USP54: variants seen among roughly 807,000 people sequenced by gnomAD.
USP54 encodes ubiquitin specific peptidase 54.
A neutral mutation model predicts 170.5 loss-of-function variants in USP54; 87 were observed. The observed-to-expected ratio is 0.51, with a 90% CI of 0.43 to 0.61. USP54 has a LOEUF of 0.61. USP54 is among the 20% of genes least tolerant of loss of function. USP54 has a pLI of 0.00. For missense variants in USP54, 1,786 were observed against 2,047.8 expected, an observed-to-expected ratio of 0.87 and a Z score of 2.47; for synonymous variants, 655 against 742.8, an observed-to-expected ratio of 0.88 and a Z score of 1.92.
chr10:73,523,344 A>G (rs893232214), intron 17 of USP54, among the ~76,000 whole-genome samples: 2 of 152,186 alleles, frequency 1.3e-5, no homozygotes, highest in Non-Finnish European at 2.9e-5. Context: ...AACATTATTC[A>G]TGAACGATAT....
chr10:73,607,338 A>AG lies in USP54; in HGVS notation c.-18+18228_-18+18229insC, dbSNP rs1554951281. On this transcript the variant is annotated intron_variant, in intron 1 of 22. Transcript: ENST00000339859. ...GTTTGCTTAAAAAAAAAAAAAAAAG[A>AG]AAAAAAAAAATAAACAGAAAGAAGA... is the stretch of plus-strand genomic sequence containing the variant. Among the ~76,000 whole-genome samples the AG allele has an allele frequency of 1.8e-3, 73 of 40,920 alleles. No individual in the cohort carries two copies. In the East Asian group the frequency reaches 0.019, roughly 10 times the overall value. The allele number at this position is 40,920 out of a possible 152,430, so 26.8% of individuals were successfully genotyped here. A position where few individuals can be genotyped will look rare whatever the true frequency, so the allele number is the denominator to read the frequency against.
rs1446877449 is a variant in USP54, at chr10:73,520,990, T to C, written c.2400A>G (p.Ala800=). The stretch of plus-strand genomic sequence containing the variant: ...GTAGTGACTCTTCAAACACTGACTC[T>C]GCCTCTTGCAGGGACCTCTCAAAGC... The part of the protein sequence containing the change: ...SDGFERSLQE[A]ESVFEESLHL... Residue 800 remains alanine (A), a synonymous_variant, in exon 18 of 24, where the codon GCA becomes GCG. Transcript: ENST00000687698. The C allele has an allele frequency of 4.3e-6, 7 of 1,614,166 alleles. No individual in the cohort carries two copies. The highest frequency in any genetic ancestry group is 5.9e-6 in the Non-Finnish European group (7 of 1,180,044).
intron 4 of USP54, among the ~76,000 whole-genome samples, chr10:73,556,794 A>G (rs1330737375): frequency 6.6e-6 from 1 of 152,102 alleles, no homozygotes; most frequent in African/African-American, 2.4e-5. Context: ...TAAAACACAT[A>G]CCTTCCTGCC....
At chr10:73,542,730 CAAA>C (rs368216335) in intron 7 of USP54, 70 bp downstream of exon 7, 2,170 of 1,179,470 alleles carry the variant, frequency 1.8e-3, no homozygotes, top group South Asian at 2.4e-3. Context: ...GACTCTGTCT[CAAA>C]AAAAAAAAAA....
At chr10:73,587,725 T>C (rs186208796) in intron 1 of USP54, among the ~76,000 whole-genome samples, 1 of 152,300 alleles carries the variant, frequency 6.6e-6, no homozygotes, top group East Asian at 1.9e-4. Context: ...AATAATAACA[T>C]CTATCTCATA....
chr10:73,552,704 T>C (rs1389691197), intron 4 of USP54, among the ~76,000 whole-genome samples: 1 of 152,066 alleles, frequency 6.6e-6, no homozygotes, highest in African/African-American at 2.4e-5. Flanking sequence ...AGCAGGAGAA[T>C]TGCTTGAACC....
intron 1 of USP54, among the ~76,000 whole-genome samples, chr10:73,585,727 T>A (rs2077402525): frequency 6.6e-6 from 1 of 152,178 alleles, no homozygotes; most frequent in South Asian, 2.1e-4. Context: ...ATTCTGCCAA[T>A]AAAATTAATT....
intron 22 of USP54, among the ~76,000 whole-genome samples, chr10:73,502,656 C>A (rs1040261972): frequency 6.6e-6 from 1 of 152,148 alleles, no homozygotes; most frequent in Admixed American, 6.5e-5. Context: ...GACTATGGTA[C>A]CACACATCCT....
intron 1 of USP54, chr10:73,614,126 C>T (rs2080406696): frequency 6.7e-6 from 1 of 149,784 alleles, no homozygotes; most frequent in Admixed American, 6.6e-5. Flanking sequence ...CATTTGAGCC[C>T]GGGAGGTCAA....
chr10:73,620,676 G>A (rs891566064), intron 1 of USP54, among the ~76,000 whole-genome samples: 4 of 149,722 alleles, frequency 2.7e-5, no homozygotes, highest in Non-Finnish European at 4.4e-5. Context: ...GGTGGCTCAC[G>A]CCTGTAATCC....
intron 1 of USP54, among the ~76,000 whole-genome samples, chr10:73,596,990 G>C (rs745448292): frequency 1.3e-5 from 2 of 152,180 alleles, no homozygotes; most frequent in Non-Finnish European, 2.9e-5. Flanking sequence ...GGAAATTCAT[G>C]CTAGTTTTAC....
At chr10:73,507,181 A>G (rs1032086328) in intron 20 of USP54, 2 of 151,850 alleles carry the variant, frequency 1.3e-5, no homozygotes, top group Non-Finnish European at 2.9e-5. Flanking sequence ...GATTGTATAA[A>G]CAGAAAATAC....
At chr10:73,600,649 C>T (rs778330076) in intron 1 of USP54, among the ~76,000 whole-genome samples, 1 of 152,166 alleles carries the variant, frequency 6.6e-6, no homozygotes, top group African/African-American at 2.4e-5. Context: ...CGCAGGGGCT[C>T]GCGCCTATAA....
At chr10:73,604,931 G>T (rs545946583) in intron 1 of USP54, among the ~76,000 whole-genome samples, 1 of 152,202 alleles carries the variant, frequency 6.6e-6, no homozygotes, top group East Asian at 1.9e-4. Context: ...TGCTAGCTGG[G>T]GTGGACAGCT....
intron 20 of USP54, among the ~76,000 whole-genome samples, chr10:73,509,826 G>T (rs910497925): frequency 6.6e-6 from 1 of 151,792 alleles, no homozygotes; most frequent in African/African-American, 2.4e-5. Flanking sequence ...TGGGCAACAT[G>T]GCAAAACCCT....
chr10:73,602,522 C>T (rs1203060053), intron 1 of USP54, among the ~76,000 whole-genome samples: 1 of 150,568 alleles, frequency 6.6e-6, no homozygotes, highest in African/African-American at 2.4e-5. Context: ...TACTGCACTC[C>T]AGCCTGGGTA....
rs201563164 is a variant in USP54 at position 73,498,716 on chromosome 10, T to C, written c.4968A>G (p.Thr1656=). 6 of 1,612,822 alleles carry C rather than the reference T, an allele frequency of 3.7e-6. No homozygotes were observed. The African/African-American group carries it at 6.7e-5, about 18-fold the overall frequency. ...GAACAAACAGAAACCCCTCTCCCAC[T>C]GTTCTCCTGTGTCCAGAGTGGGAGG... is the stretch of plus-strand genomic sequence containing the variant. ...SYASHSGHRR[T]VGEGFLFVLS... The change falls in exon 24 of 24, where the codon ACA becomes ACG. Residue 1656 remains threonine, a synonymous_variant. Coordinates refer to ENST00000687698, the MANE Select transcript of USP54 (RefSeq NM_001391956.1).
At chr10:73,517,950 GT>G (rs1414950389) in intron 19 of USP54, among the ~76,000 whole-genome samples, 1 of 152,176 alleles carries the variant, frequency 6.6e-6, no homozygotes, top group Non-Finnish European at 1.5e-5. Context: ...AGGTAAATAG[GT>G]AACGTTAATC....
chr10:73,611,904 T>C (rs1403527213), intron 1 of USP54, among the ~76,000 whole-genome samples: 2 of 151,786 alleles, frequency 1.3e-5, no homozygotes, highest in East Asian at 1.9e-4. Flanking sequence ...ACCTCATGAG[T>C]TCCAGACCAG....
Sources: allele counts gnomAD v4.1 joint callset (sites outside exome capture counted in the v4.1 genomes callset), GRCh38; gene constraint gnomAD v4.1.1; transcripts MANE v1.5; gene names NCBI Gene and HGNC (gene_info 2026-07-23, HGNC 2026-07-21).